The following RBFOX1 variants were observed in gnomAD, a reference collection of about 807,000 sequenced individuals.
RBFOX1 encodes RNA binding fox-1 homolog 1, also known as RNA binding protein fox-1 homolog 1.
In RBFOX1, 8 loss-of-function variants were observed where a neutral mutation model predicts 57.7. The observed-to-expected ratio is 0.14, with a 90% confidence interval of 0.08 to 0.25. RBFOX1 has a LOEUF of 0.25. RBFOX1 is among the 10% of genes least tolerant of loss of function. The pLI is 1.00. For missense variants in RBFOX1, 611 were observed against 548.5 expected (o/e 1.11, Z -1.14); for synonymous variants, 326 against 222.4 (o/e 1.47, Z -4.15).
intron 3 of RBFOX1, among the ~76,000 whole-genome samples, chr16:6,954,001 A>C (rs2081279450): frequency 6.6e-6 from 1 of 152,194 alleles, no homozygotes; most frequent in African/African-American, 2.4e-5. Flanking sequence ...TCTTACGCAC[A>C]TGTCAAGACA....
intron 3 of RBFOX1, among the ~76,000 whole-genome samples, chr16:6,989,830 T>C (rs913593875): frequency 1.3e-5 from 2 of 151,894 alleles, no homozygotes; most frequent in African/African-American, 4.8e-5. Flanking sequence ...TGAAATTCCA[T>C]CTCTACTAAA....
At chr16:6,025,227 C>A (rs1404016181) in intron 1 of RBFOX1, among the ~76,000 whole-genome samples, 1 of 152,212 alleles carries the variant, frequency 6.6e-6, no homozygotes, top group Non-Finnish European at 1.5e-5. Context: ...ATTTCTATGA[C>A]CAGATTTGGT....
intron 4 of RBFOX1, among the ~76,000 whole-genome samples, chr16:7,092,738 G>C (rs1176400801): frequency 6.6e-6 from 1 of 151,962 alleles, no homozygotes; most frequent in Non-Finnish European, 1.5e-5. Context: ...AAGGTATGAA[G>C]AGCTGAAAAC....
At chr16:6,860,286 G>T (rs72768861) in intron 3 of RBFOX1, among the ~76,000 whole-genome samples, 36,996 of 152,074 alleles carry the variant, frequency 0.24, 5,008 homozygotes, top group Admixed American at 0.37. Context: ...ATTATTTAAT[G>T]TCTGATGACT....
chr16:5,687,754 C>T (rs553102246), intron 3 of RBFOX1, among the ~76,000 whole-genome samples: 3 of 152,152 alleles, frequency 2.0e-5, no homozygotes, highest in Non-Finnish European at 4.4e-5. Flanking sequence ...GAAGAGTTAG[C>T]CTTTCAAATC....
chr16:6,885,132 C>G (rs1161822704), intron 3 of RBFOX1, among the ~76,000 whole-genome samples: 2 of 152,298 alleles, frequency 1.3e-5, no homozygotes, highest in Admixed American at 1.3e-4. Flanking sequence ...AGGAAAGTCT[C>G]AAGCTCTGAC....
chr16:5,423,093 GGAAGGAGGAGGGA>G (rs1423906999), intron 1 of RBFOX1, among the ~76,000 whole-genome samples: 4 of 123,336 alleles, frequency 3.2e-5, no homozygotes, highest in Non-Finnish European at 7.0e-5. Flanking sequence ...GGGAGGAAGA[GGAAGGAGGAGGGA>G]GAGGGAGGAA....
At chr16:7,435,416 T>A (rs1384011219) in intron 4 of RBFOX1, among the ~76,000 whole-genome samples, 1 of 152,152 alleles carries the variant, frequency 6.6e-6, no homozygotes, top group Non-Finnish European at 1.5e-5. Context: ...GCTGTTGATG[T>A]TCACCTTGGT....
intron 2 of RBFOX1, among the ~76,000 whole-genome samples, chr16:5,493,504 C>G (rs2042901727): frequency 1.3e-5 from 2 of 152,230 alleles, no homozygotes; most frequent in Non-Finnish European, 2.9e-5. Flanking sequence ...AGTACCCTGC[C>G]TCCATCAGCC....
intron 4 of RBFOX1, among the ~76,000 whole-genome samples, chr16:7,196,187 A>T (rs2086653030): frequency 6.6e-6 from 1 of 152,224 alleles, no homozygotes; most frequent in Non-Finnish European, 1.5e-5. Flanking sequence ...ATAAATAATC[A>T]GTATGTTCCA....
intron 1 of RBFOX1, among the ~76,000 whole-genome samples, chr16:6,238,713 A>G (rs1598688929): frequency 6.6e-6 from 1 of 152,128 alleles, no homozygotes; most frequent in Non-Finnish European, 1.5e-5. Context: ...ATTGTTTGCA[A>G]TGTCTTGCTC....
At chr16:6,068,173 G>C (rs1041061398) in intron 1 of RBFOX1, among the ~76,000 whole-genome samples, 2 of 152,094 alleles carry the variant, frequency 1.3e-5, no homozygotes, top group African/African-American at 4.8e-5. Flanking sequence ...TTATACGTCT[G>C]CTCCCCTTTG....
intron 1 of RBFOX1, among the ~76,000 whole-genome samples, chr16:6,146,831 C>G (rs909631642): frequency 6.6e-6 from 1 of 152,174 alleles, no homozygotes; most frequent in East Asian, 1.9e-4. Flanking sequence ...AGTGGCGATT[C>G]AAGCTCCACC....
At chr16:7,613,450 G>T (rs1352515328) in intron 10 of RBFOX1, among the ~76,000 whole-genome samples, 1 of 152,138 alleles carries the variant, frequency 6.6e-6, no homozygotes, top group Non-Finnish European at 1.5e-5. Context: ...CACCTCGACT[G>T]ATTATATCCA....
chr16:7,241,687 C>G (rs1015829327), intron 4 of RBFOX1, among the ~76,000 whole-genome samples: 12 of 151,990 alleles, frequency 7.9e-5, no homozygotes, highest in Non-Finnish European at 1.3e-4. Context: ...AAATCTACAT[C>G]TGGATGACAA....
chr16:6,396,146 C>G (rs573837992), intron 2 of RBFOX1, among the ~76,000 whole-genome samples: 2 of 150,684 alleles, frequency 1.3e-5, no homozygotes, highest in African/African-American at 2.4e-5. Context: ...TGGAGTAATC[C>G]TATCATAGAT....
chr16:7,075,597 A>G (rs908091431), intron 4 of RBFOX1, among the ~76,000 whole-genome samples: 1 of 150,396 alleles, frequency 6.6e-6, no homozygotes, highest in South Asian at 2.1e-4. Context: ...TTCTTTTTTT[A>G]TGAGACGGAG....
At chr16:6,281,726 G>A (rs980360707) in intron 1 of RBFOX1, among the ~76,000 whole-genome samples, 11 of 152,268 alleles carry the variant, frequency 7.2e-5, no homozygotes, top group Middle Eastern at 3.4e-3. Flanking sequence ...AATTTTCAGA[G>A]CATTTGCTGA....
intron 4 of RBFOX1, among the ~76,000 whole-genome samples, chr16:5,904,715 C>G (rs893734418): frequency 6.6e-6 from 1 of 151,916 alleles, no homozygotes; most frequent in Admixed American, 6.6e-5. Flanking sequence ...CAGTGTCTCG[C>G]GCCTGTAATC....
Sources: gnomAD v4.1 joint callset for allele counts (sites outside exome capture counted in the v4.1 genomes callset) on GRCh38, gnomAD v4.1.1 for gene constraint, MANE v1.5 for transcripts, NCBI Gene and HGNC (gene_info 2026-07-23, HGNC 2026-07-21) for gene names.